ZBTB8A: variants seen among roughly 807,000 people sequenced by gnomAD.
ZBTB8A encodes zinc finger and BTB domain-containing protein 8A.
ZBTB8A carries 19 observed loss-of-function variants against 37.8 expected under a neutral mutation model. The observed-to-expected ratio is 0.50, with a 90% confidence interval of 0.35 to 0.74. The LOEUF (loss-of-function observed/expected upper bound fraction) is 0.74. ZBTB8A is among the 30% of genes least tolerant of loss of function. The pLI is 0.01. For missense variants in ZBTB8A, 394 were observed against 537.8 expected (o/e 0.73, Z 2.65); for synonymous variants, 181 against 185.2 (o/e 0.98, Z 0.19).
At chr1:32,577,098 T>C (rs1386284109) in intron 2 of ZBTB8A, among the ~76,000 whole-genome samples, 3 of 151,640 alleles carry the variant, frequency 2.0e-5, no homozygotes, top group Non-Finnish European at 4.4e-5. Flanking sequence ...TGGTCTCGAC[T>C]CTTGACCTCA....
chr1:32,576,018 A>G (rs1017524379), intron 2 of ZBTB8A, among the ~76,000 whole-genome samples: 1 of 152,184 alleles, frequency 6.6e-6, no homozygotes, highest in Admixed American at 6.5e-5. Flanking sequence ...TACTCATCAC[A>G]TATTATAGAG....
At chr1:32,577,493 A>C (rs182089551) in intron 2 of ZBTB8A, among the ~76,000 whole-genome samples, 5 of 138,298 alleles carry the variant, frequency 3.6e-5, no homozygotes, top group African/African-American at 5.4e-5. Flanking sequence ...GATAATTTCC[A>C]CTTCATGTCT....
intron 1 of ZBTB8A, among the ~76,000 whole-genome samples, chr1:32,542,746 A>C (rs370194002): frequency 1.3e-5 from 2 of 152,206 alleles, no homozygotes; most frequent in Admixed American, 1.3e-4. Context: ...TTTAAAGATC[A>C]TTGAACTTGA....
intron 2 of ZBTB8A, among the ~76,000 whole-genome samples, chr1:32,571,176 TA>T (rs1644320319): frequency 6.6e-6 from 1 of 152,170 alleles, no homozygotes; most frequent in Non-Finnish European, 1.5e-5. Context: ...ACACCCGGCC[TA>T]TGCCTGTTAT....
At position 32,600,484 on chromosome 1, in the gene ZBTB8A, T is replaced by C. The variant is rs1430454192; in HGVS notation, c.*65T>C. 11 of 1,247,550 alleles carry C rather than the reference T, an allele frequency of 8.8e-6. No homozygotes were observed. The highest frequency in any genetic ancestry group is 1.5e-5 in the African/African-American group (1 of 66,890). The allele number at this position is 1,247,550 out of a possible 1,614,324, so 77.3% of individuals were successfully genotyped here. A position where few individuals can be genotyped will look rare whatever the true frequency, so the allele number is the denominator to read the frequency against. The stretch of plus-strand genomic sequence containing the variant: ...ACATTGACTTCCTGTATCTCTCTCT[T>C]TCTATGGTCGGAGTCTAGTTAACAA... On this transcript the variant is annotated 3_prime_UTR_variant, in exon 5 of 5. Coordinates refer to ENST00000373510, the MANE Select transcript of ZBTB8A (RefSeq NM_001040441.3).
chr1:32,576,479 A>G (rs1644359805), intron 2 of ZBTB8A, among the ~76,000 whole-genome samples: 1 of 152,130 alleles, frequency 6.6e-6, no homozygotes, highest in Admixed American at 6.6e-5. Context: ...CCCAGGCTGC[A>G]GTGCAATGGC....
chr1:32,544,264 TAC>T (rs1644083370), intron 1 of ZBTB8A, among the ~76,000 whole-genome samples: 1 of 152,264 alleles, frequency 6.6e-6, no homozygotes, highest in Non-Finnish European at 1.5e-5. Flanking sequence ...AGAATGTACT[TAC>T]ACAAACCTGG....
Position 32,603,618 on chromosome 1 carries a change from C to G in ZBTB8A, c.*3199C>G, listed in dbSNP as rs1335367152. ...ATGAAGTAGTGCTTGCATGTGTGTA[C>G]TCTAATGCACTTTAGTCTATGATCT... On this transcript the variant is annotated 3_prime_UTR_variant, in exon 5 of 5. Coordinates refer to ENST00000373510, the MANE Select transcript of ZBTB8A (RefSeq NM_001040441.3). 4 of 152,620 alleles carry G rather than the reference C, an allele frequency of 2.6e-5. No homozygotes were observed. The highest frequency in any genetic ancestry group is 9.7e-5 in the African/African-American group (4 of 41,444). The allele number at this position is 152,620 out of a possible 1,614,324, so 9.5% of individuals were successfully genotyped here. A position where few individuals can be genotyped will look rare whatever the true frequency, so the allele number is the denominator to read the frequency against.
intron 2 of ZBTB8A, among the ~76,000 whole-genome samples, chr1:32,555,894 A>T (rs543916690): frequency 4.9e-4 from 75 of 151,530 alleles, no homozygotes; most frequent in African/African-American, 1.4e-3. Flanking sequence ...TTTCAAATTT[A>T]AAAAAAAATT....
chr1:32,571,209 A>G (rs1341539530), intron 2 of ZBTB8A, among the ~76,000 whole-genome samples: 2 of 152,212 alleles, frequency 1.3e-5, no homozygotes, highest in African/African-American at 4.8e-5. Context: ...CTCTTACTGC[A>G]CTGACCAACA....
chr1:32,551,363 A>G (rs1289292903), intron 1 of ZBTB8A, among the ~76,000 whole-genome samples: 1 of 152,062 alleles, frequency 6.6e-6, no homozygotes, highest in Non-Finnish European at 1.5e-5. Flanking sequence ...TCAGGGCCAT[A>G]ATGAGCCATG....
At chr1:32,560,053 G>A (rs567929675) in intron 2 of ZBTB8A, among the ~76,000 whole-genome samples, 3 of 152,130 alleles carry the variant, frequency 2.0e-5, no homozygotes, top group East Asian at 1.9e-4. Flanking sequence ...TTCCAGTTAC[G>A]GTGGAAGACA....
intron 3 of ZBTB8A, among the ~76,000 whole-genome samples, chr1:32,594,219 A>T (rs1416670082): frequency 6.6e-6 from 1 of 151,878 alleles, no homozygotes; most frequent in Non-Finnish European, 1.5e-5. Flanking sequence ...GAAGAAATTC[A>T]TTTCATAAAA....
chr1:32,594,200 AC>A (rs200976320), intron 3 of ZBTB8A, among the ~76,000 whole-genome samples: 18,474 of 146,160 alleles, frequency 0.13, 1,273 homozygotes, highest in African/African-American at 0.2. Flanking sequence ...TCTCAAAAAA[AC>A]AAAAAAAGAA....
rs375324198 is a variant in ZBTB8A at position 32,593,753 on chromosome 1, A to G, written c.822A>G (p.Pro274=). Reference sequence around the variant, plus strand: ...CTGATGTCACATCCAAAAGCTTTCCAGGTACCCAAAAAGAGCATAAGTCCC... The same window carrying G: ...CTGATGTCACATCCAAAAGCTTTCCGGGTACCCAAAAAGAGCATAAGTCCC... ...QGSDVTSKSF[P]DDLPRMRFKC... is the part of the protein sequence containing the mutation. The change falls in exon 3 of 5, where the codon CCA becomes CCG. Residue 274 remains proline (P), a splice_region_variant and synonymous_variant. Transcript: ENST00000373510. The G allele has an allele frequency of 1.9e-6, 3 of 1,605,256 alleles. No homozygotes were observed. In the African/African-American group the frequency reaches 4.0e-5, roughly 22 times the overall value.
At chr1:32,574,544 C>G (rs1432581100) in intron 2 of ZBTB8A, among the ~76,000 whole-genome samples, 2 of 152,114 alleles carry the variant, frequency 1.3e-5, no homozygotes, top group African/African-American at 4.8e-5. Flanking sequence ...TTATAGTGAG[C>G]TATGATTGCA....
chr1:32,585,104 TACTG>T (rs569263923), intron 2 of ZBTB8A, among the ~76,000 whole-genome samples: 158 of 149,900 alleles, frequency 1.1e-3, no homozygotes, highest in Non-Finnish European at 2.2e-3. Context: ...CATCATGACT[TACTG>T]CAGCCTCAAC....
At chr1:32,540,658 A>T (rs1440528312) in intron 1 of ZBTB8A, among the ~76,000 whole-genome samples, 1 of 152,122 alleles carries the variant, frequency 6.6e-6, no homozygotes, top group African/African-American at 2.4e-5. Flanking sequence ...CCCTGCTCTA[A>T]AAACCTTAAC....
chr1:32,556,582 AAAGC>A (rs61577451), intron 2 of ZBTB8A, among the ~76,000 whole-genome samples: 17,226 of 152,142 alleles, frequency 0.11, 1,056 homozygotes, highest in African/African-American at 0.18. Flanking sequence ...AATTTAAGAA[AAAGC>A]AAGGTATAGG....
Sources: gnomAD v4.1 joint callset for allele counts (sites outside exome capture counted in the v4.1 genomes callset) on GRCh38, gnomAD v4.1.1 for gene constraint, MANE v1.5 for transcripts, NCBI Gene and HGNC (gene_info 2026-07-23, HGNC 2026-07-21) for gene names.